Variants in ZFHX3 observed in about 807,000 individuals in gnomAD.
ZFHX3 encodes zinc finger homeobox protein 3.
Under a neutral mutation model 279.1 loss-of-function variants are expected in ZFHX3, and 42 were observed. The ratio of observed to expected loss-of-function variants is 0.15; its 90% confidence interval spans 0.12 to 0.19. The LOEUF (loss-of-function observed/expected upper bound fraction) is 0.19, where lower values mean the gene tolerates loss of function less well. Among genes scored for constraint, ZFHX3 ranks in the 10% least tolerant of loss-of-function variants. The probability of loss-of-function intolerance (pLI) is 1.00; values close to 1 mark genes in which losing one functional copy is unlikely to be tolerated. For missense variants in ZFHX3, 4,981 were observed against 4,754.0 expected (o/e 1.05, Z -1.40); for synonymous variants, 2,293 against 1,957.8 (o/e 1.17, Z -4.52).
At chr16:73,613,248 A>G (rs896252668) in intron 2 of ZFHX3, among the ~76,000 whole-genome samples, 1 of 152,176 alleles carries the variant, frequency 6.6e-6, no homozygotes, top group Non-Finnish European at 1.5e-5. Context: ...CTTTTGGAGT[A>G]GTTGAGGCTC....
intron 2 of ZFHX3, among the ~76,000 whole-genome samples, chr16:73,634,385 G>C (rs1567538463): frequency 6.8e-6 from 1 of 147,766 alleles, no homozygotes; most frequent in Non-Finnish European, 1.5e-5. Flanking sequence ...TTTTTCACTG[G>C]GGAAATATAT....
intron 4 of ZFHX3, among the ~76,000 whole-genome samples, chr16:73,271,931 C>T (rs899637889): frequency 2.0e-5 from 3 of 152,182 alleles, no homozygotes; most frequent in Admixed American, 6.5e-5. Flanking sequence ...CTTCTTTCCA[C>T]AGTGGTTGTT....
chr16:73,534,518 T>C (rs1250073066), intron 2 of ZFHX3, among the ~76,000 whole-genome samples: 1 of 152,228 alleles, frequency 6.6e-6, no homozygotes, highest in African/African-American at 2.4e-5. Flanking sequence ...CCAGAAGGAA[T>C]GTAACCACAA....
At chr16:73,135,742 T>C (rs1966777247) in intron 6 of ZFHX3, among the ~76,000 whole-genome samples, 1 of 152,242 alleles carries the variant, frequency 6.6e-6, no homozygotes. Flanking sequence ...TTGGTTACAC[T>C]GGGCTTAGGA....
At chr16:73,310,647 T>C (rs191823366) in intron 4 of ZFHX3, among the ~76,000 whole-genome samples, 268 of 152,264 alleles carry the variant, frequency 1.8e-3, no homozygotes, top group Middle Eastern at 0.014. Context: ...AATTATCCAG[T>C]CCAAAATGTC....
chr16:72,946,716 G>GAGAGGGC (rs1366497315), intron 3 of ZFHX3, among the ~76,000 whole-genome samples: 3 of 152,334 alleles, frequency 2.0e-5, no homozygotes, highest in African/African-American at 7.2e-5. Context: ...CTAGCCGTGG[G>GAGAGGGC]AGAGGGCAGA....
chr16:73,761,903 C>T (rs1474727452), intron 1 of ZFHX3, among the ~76,000 whole-genome samples: 1 of 151,982 alleles, frequency 6.6e-6, no homozygotes, highest in Admixed American at 6.6e-5. Flanking sequence ...TAGGGAATAC[C>T]ATTCAGGACA....
intron 3 of ZFHX3, among the ~76,000 whole-genome samples, chr16:73,427,126 A>T (rs2017824213): frequency 6.6e-6 from 1 of 152,086 alleles, no homozygotes; most frequent in African/African-American, 2.4e-5. Context: ...AAGAAGAACA[A>T]GCCAAAGGAA....
intron 5 of ZFHX3, among the ~76,000 whole-genome samples, chr16:73,191,012 A>T (rs1968019895): frequency 6.6e-6 from 1 of 152,056 alleles, no homozygotes; most frequent in African/African-American, 2.4e-5. Flanking sequence ...ACCCCCTAAA[A>T]ATGGGACCAA....
chr16:73,254,015 G>C (rs932546225), intron 5 of ZFHX3, among the ~76,000 whole-genome samples: 1 of 152,176 alleles, frequency 6.6e-6, no homozygotes, highest in African/African-American at 2.4e-5. Context: ...GCAGCCTGCA[G>C]TTGTCTTTGC....
At chr16:73,562,490 G>A (rs769890030) in intron 2 of ZFHX3, among the ~76,000 whole-genome samples, 15 of 151,940 alleles carry the variant, frequency 9.9e-5, no homozygotes, top group African/African-American at 2.7e-4. Flanking sequence ...CAGCTACTCC[G>A]GAGGCTGAGG....
chr16:73,062,401 C>T (rs1965695227), upstream of ZFHX3: 1 of 152,102 alleles, frequency 6.6e-6, no homozygotes, highest in African/African-American at 2.4e-5. Flanking sequence ...AGGTACTGGG[C>T]AGAGCTGTGT....
chr16:73,104,206 A>G (rs1045698888), intron 7 of ZFHX3, among the ~76,000 whole-genome samples: 2 of 110,868 alleles, frequency 1.8e-5, no homozygotes, highest in Non-Finnish European at 3.9e-5. Flanking sequence ...TGTGCTCCCT[A>G]TGGATTTATT....
At chr16:73,655,856 C>G (rs1465784439) in intron 2 of ZFHX3, among the ~76,000 whole-genome samples, 1 of 152,176 alleles carries the variant, frequency 6.6e-6, no homozygotes, top group African/African-American at 2.4e-5. Context: ...CCCATTATTT[C>G]TACTCCTGGG....
chr16:73,725,656 T>G (rs1379718549), intron 1 of ZFHX3, among the ~76,000 whole-genome samples: 1 of 152,042 alleles, frequency 6.6e-6, no homozygotes. Context: ...ATTGAGGAGC[T>G]ACCTAAGTCC....
chr16:73,817,975 A>T (rs1960625451), intron 1 of ZFHX3, among the ~76,000 whole-genome samples: 1 of 152,244 alleles, frequency 6.6e-6, no homozygotes. Context: ...AGCCAAGTGT[A>T]CGAAAGTTAA....
intron 2 of ZFHX3, among the ~76,000 whole-genome samples, chr16:73,497,018 T>C (rs982036227): frequency 6.6e-6 from 1 of 152,312 alleles, no homozygotes; most frequent in East Asian, 1.9e-4. Flanking sequence ...TGGTCACAGC[T>C]TCCTGCTGTT....
intron 7 of ZFHX3, among the ~76,000 whole-genome samples, chr16:73,113,309 C>T (rs552851772): frequency 2.0e-5 from 3 of 152,202 alleles, no homozygotes; most frequent in Admixed American, 6.5e-5. Flanking sequence ...TCTTTCACCA[C>T]GTCCCAGAGG....
chr16:73,464,987 A>C (rs1379341592), intron 2 of ZFHX3, among the ~76,000 whole-genome samples: 1 of 152,222 alleles, frequency 6.6e-6, no homozygotes, highest in Non-Finnish European at 1.5e-5. Context: ...TCGCCTTCAC[A>C]TGGGCAGGCA....
Sources: gnomAD v4.1 joint callset for allele counts (sites outside exome capture counted in the v4.1 genomes callset) on GRCh38, gnomAD v4.1.1 for gene constraint, MANE v1.5 for transcripts, NCBI Gene and HGNC (gene_info 2026-07-23, HGNC 2026-07-21) for gene names.